The following VAC14 variants were observed in gnomAD, a reference collection of about 807,000 sequenced individuals.
VAC14 encodes the protein protein VAC14 homolog.
Under a neutral mutation model 85.3 loss-of-function variants are expected in VAC14, and 47 were observed. That is an observed-to-expected ratio of 0.55 (90% CI 0.44 to 0.70). The LOEUF is 0.70. Among genes scored for constraint, VAC14 ranks in the 30% least tolerant of loss-of-function variants. VAC14 has a pLI of 0.00. For missense variants in VAC14, 861 were observed against 1,004.3 expected (o/e 0.86, Z 1.93); for synonymous variants, 447 against 430.5 (o/e 1.04, Z -0.47).
Position 70,768,613 on chromosome 16 carries a change from C to T in VAC14, c.1160+3496G>A, listed in dbSNP as rs1205672788. ...AAGCCTGGGGCCACCAGGGGCTTCC[C>T]GAGTATCGCAGGAAGAGGGGAGATG... On this transcript the variant is annotated intron_variant, in intron 10 of 18. Coordinates refer to ENST00000261776, the MANE Select transcript of VAC14 (RefSeq NM_018052.5). 4 of 318,428 alleles carry T rather than the reference C, an allele frequency of 1.3e-5. No individual in the cohort carries two copies. In the Admixed American group the frequency reaches 1.3e-4, roughly 11 times the overall value. The allele number at this position is 318,428 out of a possible 1,614,324, so 19.7% of individuals were successfully genotyped here.
chr16:70,692,367 C>T (rs952391594), intron 18 of VAC14, among the ~76,000 whole-genome samples: 3 of 152,024 alleles, frequency 2.0e-5, no homozygotes, highest in Admixed American at 6.5e-5. Context: ...AGGGTTGAGC[C>T]TCTGCCACAG....
At chr16:70,782,320 T>C (rs906588960) in intron 7 of VAC14, among the ~76,000 whole-genome samples, 4 of 152,250 alleles carry the variant, frequency 2.6e-5, no homozygotes, top group African/African-American at 9.6e-5. Context: ...CCTTGCTTCT[T>C]TGGCCAATGA....
At chr16:70,788,831 C>A (rs2034192037) in intron 1 of VAC14, among the ~76,000 whole-genome samples, 1 of 152,232 alleles carries the variant, frequency 6.6e-6, no homozygotes, top group African/African-American at 2.4e-5. Flanking sequence ...GCTAGAGGAG[C>A]CAGTCAGTCC....
At chr16:70,717,092 C>A (rs1166706303) in intron 14 of VAC14, among the ~76,000 whole-genome samples, 1 of 152,264 alleles carries the variant, frequency 6.6e-6, no homozygotes. Flanking sequence ...ATGTCCATGG[C>A]CTTGGATTCT....
In VAC14 at chr16:70,792,075, T is replaced by C. The variant is rs554367326; in HGVS notation, c.105-5710A>G. On this transcript the variant is annotated intron_variant, in intron 1 of 18. Transcript: ENST00000261776. Reference sequence around the variant, plus strand: ...CCGGGGAAAGGTGCACCGGCTTGGATGACGCCTGAAGGACAGGTGAAGGCG... The same window carrying C: ...CCGGGGAAAGGTGCACCGGCTTGGACGACGCCTGAAGGACAGGTGAAGGCG... Among the ~76,000 whole-genome samples the C allele has an allele frequency of 2.8e-4, 42 of 152,350 alleles. No homozygotes were observed. The South Asian group carries it at 8.7e-3, about 32-fold the overall frequency.
intron 1 of VAC14, among the ~76,000 whole-genome samples, chr16:70,793,492 C>A (rs1209906921): frequency 6.6e-6 from 1 of 152,156 alleles, no homozygotes; most frequent in Admixed American, 6.5e-5. Context: ...TTTTCTAACC[C>A]CAAGATCTAA....
intron 13 of VAC14, among the ~76,000 whole-genome samples, chr16:70,736,698 C>T (rs1256999576): frequency 1.3e-5 from 2 of 152,210 alleles, no homozygotes; most frequent in Non-Finnish European, 2.9e-5. Context: ...AGTGTCACAG[C>T]TGCGAGAAGC....
chr16:70,704,356 T>C (rs914429515), intron 14 of VAC14, among the ~76,000 whole-genome samples: 13 of 152,050 alleles, frequency 8.5e-5, no homozygotes, highest in African/African-American at 3.1e-4. Flanking sequence ...CACTGTCTTC[T>C]TTGTCCTTTC....
chr16:70,692,078 G>A (rs2053607632), intron 18 of VAC14: 3 of 982,468 alleles, frequency 3.1e-6, no homozygotes, highest in Non-Finnish European at 3.6e-6. Context: ...CATCTCGGAT[G>A]CCAAATGCCT....
At chr16:70,766,679 G>A (rs540924058) in intron 10 of VAC14, 1 of 342,354 alleles carries the variant, frequency 2.9e-6, no homozygotes, top group Non-Finnish European at 5.8e-6. Context: ...CTCTCCCTGG[G>A]CTTTTCTTCC....
intron 14 of VAC14, among the ~76,000 whole-genome samples, chr16:70,725,281 G>A (rs964887781): frequency 1.3e-5 from 2 of 152,264 alleles, no homozygotes; most frequent in African/African-American, 4.8e-5. Context: ...GCCTGATGTG[G>A]GAGCTGGGCT....
intron 3 of VAC14, 80 bp from the exon 4 acceptor site, chr16:70,784,918 C>CCT: frequency 5.5e-6 from 7 of 1,276,608 alleles, no homozygotes; most frequent in Non-Finnish European, 6.9e-6. Flanking sequence ...CCTGCAAATC[C>CCT]GCAGCCGAGG....
chr16:70,731,688 T>A (rs894518904), intron 13 of VAC14, 61 bp from the exon 14 acceptor site: 26 of 1,561,394 alleles, frequency 1.7e-5, no homozygotes, highest in Non-Finnish European at 2.1e-5. Context: ...GGTGATGAGA[T>A]CCACACAGAA....
At chr16:70,705,555 C>G (rs1301351863) in intron 14 of VAC14, among the ~76,000 whole-genome samples, 1 of 152,234 alleles carries the variant, frequency 6.6e-6, no homozygotes, top group African/African-American at 2.4e-5. Context: ...CAATAAGCCA[C>G]CAGCAGCGTG....
intron 10 of VAC14, 37 bp downstream of exon 10, chr16:70,772,072 C>T: frequency 4.4e-6 from 7 of 1,607,156 alleles, no homozygotes; most frequent in Non-Finnish European, 6.0e-6. Flanking sequence ...AGGCCGCTCG[C>T]TTTCCACAAA....
intron 18 of VAC14, chr16:70,690,067 G>A (rs2053569645): frequency 1.0e-6 from 1 of 985,394 alleles, no homozygotes; most frequent in African/African-American, 1.7e-5. Flanking sequence ...GGAGCTTAGG[G>A]GCCTTTAGAG....
intron 13 of VAC14, among the ~76,000 whole-genome samples, chr16:70,734,836 C>G (rs1246761992): frequency 1.3e-5 from 2 of 152,010 alleles, no homozygotes; most frequent in African/African-American, 4.8e-5. Flanking sequence ...CATTACCATT[C>G]CCATTATATA....
chr16:70,755,160 C>A, intron 12 of VAC14: 1 of 288,998 alleles, frequency 3.5e-6, no homozygotes. Flanking sequence ...GCCTGGCCAC[C>A]GGCCTCAGCG....
At chr16:70,727,918 TG>T (rs959245104) in intron 14 of VAC14, among the ~76,000 whole-genome samples, 37 of 152,332 alleles carry the variant, frequency 2.4e-4, no homozygotes, top group African/African-American at 8.4e-4. Flanking sequence ...CCGAACCAGC[TG>T]GGCCAGGTGG....
Sources: gnomAD v4.1 joint callset for allele counts (sites outside exome capture counted in the v4.1 genomes callset) on GRCh38, gnomAD v4.1.1 for gene constraint, MANE v1.5 for transcripts, NCBI Gene and HGNC (gene_info 2026-07-23, HGNC 2026-07-21) for gene names.